CIT: variants seen among roughly 807,000 people sequenced by gnomAD.
CIT encodes citron rho-interacting serine/threonine kinase.
In CIT, 79 loss-of-function variants were observed where a neutral mutation model predicts 272.7. The ratio of observed to expected loss-of-function variants is 0.29; its 90% CI spans 0.24 to 0.35. The LOEUF (loss-of-function observed/expected upper bound fraction) is 0.35, where lower values mean the gene tolerates loss of function less well. Ranked by LOEUF, CIT falls within the 10% of genes least tolerant of loss-of-function variation. The pLI is 1.00. For synonymous variants in CIT, 948 were observed against 995.6 expected (o/e 0.95, Z 0.90); for missense variants, 1,909 against 2,618.3 (o/e 0.73, Z 5.91).
rs1222057486 is a variant in CIT, at chr12:119,857,551, T to G, written c.386A>C (p.Lys129Thr). The G allele has an allele frequency of 6.2e-7, 1 of 1,614,192 alleles. No individual in the cohort carries two copies. Among genetic ancestry groups the G allele is most frequent in the Non-Finnish European group, 8.5e-7 (1 of 1,180,044 alleles). The change falls in exon 4 of 48, where the codon AAG becomes ACG. Residue 129 changes from lysine to threonine, a missense_variant. Physicochemically the swap from Lys to Thr is moderately conservative, Grantham distance 78. Around this residue, in one of 8 missense-constraint regions of CIT, gnomAD observed 529 missense variants for 549.6 expected, o/e 0.96. Transcript: ENST00000392521. ...TGDIYAMKVM[K>T]KKALLAQEQV... ...CTCCTGGGCCAATAAAGCCTTCTTC[T>G]TCATCACTTTCATAGCATAGATGTC...
chr12:119,845,943 AACACACACACACACACAC>A lies in CIT; in HGVS notation c.516+4213_516+4230del, dbSNP rs58381184. Among the ~76,000 whole-genome samples, 6 of 137,054 alleles carry A rather than the reference AACACACACACACACACAC, an allele frequency of 4.4e-5. No homozygotes were observed. In the East Asian group the frequency reaches 8.7e-4, roughly 20 times the overall value. 89.9% of individuals were successfully genotyped at this position (137,054 alleles called of 152,430 possible). A position where few individuals can be genotyped will look rare whatever the true frequency, so the allele number is the denominator to read the frequency against. On this transcript the variant is annotated intron_variant, in intron 5 of 47. Coordinates refer to ENST00000392521, the MANE Select transcript of CIT (RefSeq NM_001206999.2). ...GCAACACGGCAAGACTCCATCTCAA[AACACACACACACACACAC>A]ACACACACACACACACACACACAGA...
At chr12:119,692,692 T>C (rs969314942) in intron 46 of CIT, among the ~76,000 whole-genome samples, 1 of 152,204 alleles carries the variant, frequency 6.6e-6, no homozygotes, top group Non-Finnish European at 1.5e-5. Context: ...TCTAAACCTG[T>C]GCAGAAAAAG....
intron 23 of CIT, among the ~76,000 whole-genome samples, chr12:119,747,944 G>C (rs1394365146): frequency 6.6e-6 from 1 of 152,054 alleles, no homozygotes; most frequent in Admixed American, 6.6e-5. Context: ...CAGGCGAATT[G>C]CTTGAGCCCA....
At chr12:119,842,375 C>T (rs1566114359) in intron 5 of CIT, among the ~76,000 whole-genome samples, 2 of 111,648 alleles carry the variant, frequency 1.8e-5, no homozygotes, top group South Asian at 3.3e-4. Flanking sequence ...GGTGACAGAG[C>T]GAGACTGCAT....
intron 9 of CIT, among the ~76,000 whole-genome samples, chr12:119,812,095 G>T (rs969070698): frequency 6.6e-6 from 1 of 151,334 alleles, no homozygotes; most frequent in Non-Finnish European, 1.5e-5. Flanking sequence ...ACAAGCACCT[G>T]CCACCATGCC....
chr12:119,779,641 G>A (rs771895011), intron 13 of CIT, among the ~76,000 whole-genome samples: 1 of 152,112 alleles, frequency 6.6e-6, no homozygotes, highest in South Asian at 2.1e-4. Context: ...TTATGTCGGC[G>A]AGAAGGGAAT....
At chr12:119,744,902 T>G (rs1000513787) in intron 23 of CIT, among the ~76,000 whole-genome samples, 2 of 151,184 alleles carry the variant, frequency 1.3e-5, no homozygotes, top group Non-Finnish European at 3.0e-5. Context: ...AGACAAGAAG[T>G]AGAAACCAAA....
rs368301555 is a variant in CIT at position 119,713,077 on chromosome 12, A to G, written c.4579+126T>C. 20 of 733,964 alleles carry G rather than the reference A, an allele frequency of 2.7e-5. No individual in the cohort carries two copies. The highest frequency in any genetic ancestry group is 1.7e-4 in the East Asian group (7 of 40,486). 45.5% of individuals were successfully genotyped at this position (733,964 alleles called of 1,614,324 possible). A position where few individuals can be genotyped will look rare whatever the true frequency, so the allele number is the denominator to read the frequency against. On this transcript the variant is annotated intron_variant, in intron 35 of 47. Transcript: ENST00000392521. This position sits in a 1 kb window ranked among gnomAD's most constrained non-coding sequence, Gnocchi z 5.2. Reference sequence around the variant, plus strand: ...CCTTTAGAGAAGTCATTTGGTTTGTAAGTTTCAAAAATGGAAAAGCGTAGA... The same window carrying G: ...CCTTTAGAGAAGTCATTTGGTTTGTGAGTTTCAAAAATGGAAAAGCGTAGA...
intron 16 of CIT, among the ~76,000 whole-genome samples, chr12:119,775,500 G>A (rs1193245984): frequency 6.6e-6 from 1 of 152,192 alleles, no homozygotes; most frequent in Non-Finnish European, 1.5e-5. Flanking sequence ...GCCCCCTGAG[G>A]CGAGAGATGC....
intron 10 of CIT, among the ~76,000 whole-genome samples, chr12:119,791,726 C>T (rs1566051023): frequency 3.9e-5 from 6 of 151,988 alleles, no homozygotes; most frequent in Non-Finnish European, 1.5e-5. Context: ...TTGGGTTTTC[C>T]TTTTTTTTCC....
chr12:119,750,786 T>C (rs1447354949), intron 23 of CIT, among the ~76,000 whole-genome samples: 1 of 146,686 alleles, frequency 6.8e-6, no homozygotes, highest in East Asian at 1.9e-4. Context: ...GATAGATAGA[T>C]AGATAGATAG....
intron 21 of CIT, 115 bp from the exon 22 acceptor site, chr12:119,757,660 A>G: frequency 1.5e-6 from 2 of 1,325,550 alleles, no homozygotes; most frequent in Non-Finnish European, 2.1e-6. Context: ...TAAGTGGACT[A>G]GGGCCATTCC....
At chr12:119,805,631 C>T (rs971772365) in intron 9 of CIT, among the ~76,000 whole-genome samples, 1 of 152,176 alleles carries the variant, frequency 6.6e-6, no homozygotes, top group African/African-American at 2.4e-5. Context: ...CCACTATATA[C>T]TAATTTATCT....
intron 47 of CIT, among the ~76,000 whole-genome samples, chr12:119,689,525 C>T (rs992534604): frequency 5.9e-5 from 9 of 151,928 alleles, no homozygotes; most frequent in East Asian, 1.9e-4. Context: ...TTTGCTGGTA[C>T]GCACAGAATA....
chr12:119,817,477 A>G (rs1281059350), intron 9 of CIT, among the ~76,000 whole-genome samples: 2 of 152,034 alleles, frequency 1.3e-5, no homozygotes, highest in Non-Finnish European at 2.9e-5. Flanking sequence ...ACGCCACTGC[A>G]CTCCGGCCTG....
intron 41 of CIT, among the ~76,000 whole-genome samples, 200 bp downstream of exon 41, chr12:119,704,163 C>T (rs764036419): frequency 6.6e-5 from 10 of 152,074 alleles, no homozygotes; most frequent in Non-Finnish European, 1.0e-4. Context: ...GGAGGGAAAC[C>T]GCAGCTACTA....
At position 119,712,286 on chromosome 12, in the gene CIT, G is replaced by A; in HGVS notation, c.4746C>T (p.Thr1582=). The change falls in exon 37 of 48, where the codon ACC becomes ACT. Residue 1582 remains threonine, a synonymous_variant. Coordinates refer to ENST00000392521, the MANE Select transcript of CIT (RefSeq NM_001206999.2). The surrounding 1 kb of genome is among the most constrained non-coding windows in gnomAD (Gnocchi z 5.2). The part of the protein sequence containing the change: ...HPHTTCWPGR[T]LYLLAPSFPD... ...GGAAGCTGGGAGCTAGCAAGTAGAGGGTTCTCCCGGGCCAGCAGGTGGTGT... is the reference window on the plus strand; with the variant it reads ...GGAAGCTGGGAGCTAGCAAGTAGAGAGTTCTCCCGGGCCAGCAGGTGGTGT... 1.9e-6 allele frequency: 3 copies of A among 1,614,194 alleles called. No individual in the cohort carries two copies. Among genetic ancestry groups the A allele is most frequent in the South Asian group, 2.2e-5 (2 of 91,078 alleles).
At chr12:119,787,458 G>A (rs1280805729) in intron 10 of CIT, among the ~76,000 whole-genome samples, 4 of 150,750 alleles carry the variant, frequency 2.7e-5, no homozygotes, top group African/African-American at 4.9e-5. Context: ...TAGGCCGGGC[G>A]CGGTGGCTGA....
Position 119,776,414 on chromosome 12 carries a change from A to G in CIT, c.1837-6T>C, listed in dbSNP as rs751590783. On this transcript the variant is annotated splice_region_variant and splice_polypyrimidine_tract_variant and intron_variant, in intron 14 of 47. Transcript: ENST00000392521. ...GGCTTCCCTTGATCCTTAGCCTGTA[A>G]TTAAAAAGACACAACATATTGGGAA... 1.9e-6 allele frequency: 3 copies of G among 1,612,644 alleles called. No homozygotes were observed. The Admixed American group carries it at 5.0e-5, about 27-fold the overall frequency.
Sources: gnomAD v4.1 joint callset for allele counts (sites outside exome capture counted in the v4.1 genomes callset) on GRCh38, gnomAD v4.1.1 for gene constraint, gnomAD v4.1.1 regional missense constraint, Gnocchi (gnomAD v3.1) non-coding constraint, MANE v1.5 for transcripts, NCBI Gene and HGNC (gene_info 2026-07-23, HGNC 2026-07-21) for gene names.